Variants in TCN2 observed in about 807,000 individuals in gnomAD.
TCN2 encodes the protein transcobalamin-2.
TCN2 carries 34 observed loss-of-function variants against 48.6 expected under a neutral mutation model. The observed-to-expected ratio is 0.70, with a 90% CI of 0.53 to 0.93. The LOEUF (loss-of-function observed/expected upper bound fraction) is 0.93, where lower values mean the gene tolerates loss of function less well. TCN2 is among the 40% of genes least tolerant of loss of function. The probability of loss-of-function intolerance (pLI) is 0.00; values close to 1 mark genes in which losing one functional copy is unlikely to be tolerated. For missense variants in TCN2, 652 were observed against 526.1 expected (o/e 1.24, Z -2.34); for synonymous variants, 283 against 212.5 (o/e 1.33, Z -2.89).
Position 30,614,482 on chromosome 22 carries a change from C to T in TCN2, c.561C>T (p.His187=). 1 of 1,614,150 alleles carries T rather than the reference C, an allele frequency of 6.2e-7. No individual in the cohort carries two copies. Residue 187 remains histidine (H), a synonymous_variant, in exon 4 of 9, where the codon CAC becomes CAT. Coordinates refer to ENST00000215838, the MANE Select transcript of TCN2 (RefSeq NM_000355.4). The part of the protein sequence containing the change: ...DKLLYAVEPF[H]QGHHSVDTAA... ...TTCTGTATGCTGTGGAACCTTTCCACCAGGGCCACCATTCTGTGGGTGAGT... is the reference window on the plus strand; with the variant it reads ...TTCTGTATGCTGTGGAACCTTTCCATCAGGGCCACCATTCTGTGGGTGAGT...
At position 30,623,811 on chromosome 22, in the gene TCN2, TATAC is replaced by T. The variant is rs1569046500; in HGVS notation, c.1222+730_1222+733del. 1.9e-3 allele frequency among the ~76,000 whole-genome samples: 128 copies of T among 67,998 alleles called. 21 individuals carry two copies. The highest frequency in any genetic ancestry group is 7.7e-3 in the Middle Eastern group (1 of 130). 44.6% of individuals were successfully genotyped at this position (67,998 alleles called of 152,430 possible). The stretch of plus-strand genomic sequence containing the variant: ...ATACATATATACACACATACACATA[TATAC>T]ACACACATACACACACATATACACA... On this transcript the variant is annotated intron_variant, in intron 8 of 8. Transcript: ENST00000215838.
At chr22:30,623,903 C>T (rs1430439902) in intron 8 of TCN2, among the ~76,000 whole-genome samples, 1 of 27,158 alleles carries the variant, frequency 3.7e-5, no homozygotes, top group South Asian at 5.7e-4. Context: ...TATATGTATA[C>T]ATATATATAC....
In TCN2 at chr22:30,626,655, C is replaced by A; in HGVS notation, c.*134C>A. 1.1e-6 allele frequency: 1 copy of A among 950,716 alleles called. No homozygotes were observed. Among genetic ancestry groups the A allele is most frequent in the Non-Finnish European group, 1.7e-6 (1 of 602,568 alleles). The allele number at this position is 950,716 out of a possible 1,614,324, so 58.9% of individuals were successfully genotyped here. ...CACTTTGAGCAATGCCCCCTGGGAT[C>A]ACCCCAGCCACAAGCCCTTCGAGGG... On this transcript the variant is annotated 3_prime_UTR_variant, in exon 9 of 9. Coordinates refer to ENST00000215838, the MANE Select transcript of TCN2 (RefSeq NM_000355.4).
At chr22:30,611,384 T>C (rs76670767) in intron 2 of TCN2, among the ~76,000 whole-genome samples, 1,989 of 152,308 alleles carry the variant, frequency 0.013, 24 homozygotes, top group Non-Finnish European at 0.02. Context: ...GAGGCAGATA[T>C]CACTAATCGA....
chr22:30,626,286 G>A (rs570146651), intron 8 of TCN2, among the ~76,000 whole-genome samples, 174 bp from the exon 9 acceptor site: 43 of 152,222 alleles, frequency 2.8e-4, no homozygotes, highest in African/African-American at 9.9e-4. Flanking sequence ...GAACCCTGTG[G>A]GAAGCTGAGT....
chr22:30,617,326 A>G lies in TCN2; in HGVS notation c.941-4A>G. 1.2e-6 allele frequency: 2 copies of G among 1,614,152 alleles called. No individual in the cohort carries two copies. Among genetic ancestry groups the G allele is most frequent in the Non-Finnish European group, 1.7e-6 (2 of 1,180,030 alleles). The stretch of plus-strand genomic sequence containing the variant: ...AGCTGCCCGCCCCTTTCTTCCTGGC[A>G]CAGTCATGTTGGAACCAGCTGCTGA... On this transcript the variant is annotated splice_region_variant and splice_polypyrimidine_tract_variant and intron_variant, in intron 6 of 8. Coordinates refer to ENST00000215838, the MANE Select transcript of TCN2 (RefSeq NM_000355.4).
chr22:30,611,172 T>C, intron 2 of TCN2, 109 bp downstream of exon 2: 1 of 1,351,394 alleles, frequency 7.4e-7, no homozygotes, highest in South Asian at 1.2e-5. Flanking sequence ...TTAGGCAAAT[T>C]TTCTCCATCT....
chr22:30,621,470 G>A (rs8139921), intron 7 of TCN2, among the ~76,000 whole-genome samples: 17,384 of 151,660 alleles, frequency 0.11, 2,204 homozygotes, highest in African/African-American at 0.3. Context: ...CTCATTTGTT[G>A]TTTTTTGTTT....
intron 1 of TCN2, among the ~76,000 whole-genome samples, chr22:30,608,918 T>C (rs2087493908): frequency 6.6e-6 from 1 of 152,142 alleles, no homozygotes; most frequent in Admixed American, 6.6e-5. Flanking sequence ...AATCTTGAAC[T>C]GGGGTTTGGG....
intron 8 of TCN2, 53 bp downstream of exon 8, chr22:30,623,136 C>T: frequency 6.3e-7 from 1 of 1,588,520 alleles, no homozygotes; most frequent in South Asian, 1.1e-5. Flanking sequence ...GCTTACTCAG[C>T]CAAGAGGCTT....
At position 30,623,945 on chromosome 22, in the gene TCN2, C is replaced by CATATGTAT. The variant is rs1321160056; in HGVS notation, c.1222+863_1222+864insTATGTATA. On this transcript the variant is annotated intron_variant, in intron 8 of 8. Coordinates refer to ENST00000215838, the MANE Select transcript of TCN2 (RefSeq NM_000355.4). The stretch of plus-strand genomic sequence containing the variant: ...ATATATGTATACATATATACACACA[C>CATATGTAT]ACATATGTATACATATATACACACA... Among the ~76,000 whole-genome samples the CATATGTAT allele has an allele frequency of 9.4e-4, 30 of 32,004 alleles. 10 individuals carry two copies. The highest frequency in any genetic ancestry group is 1.2e-3 in the Non-Finnish European group (19 of 15,378). 21.0% of individuals were successfully genotyped at this position (32,004 alleles called of 152,430 possible).
chr22:30,612,753 T>G (rs1006172989), intron 2 of TCN2, 120 bp from the exon 3 acceptor site: 2 of 1,262,176 alleles, frequency 1.6e-6, no homozygotes, highest in African/African-American at 1.5e-5. Flanking sequence ...TTTGGAGCTT[T>G]TATCAAAGTT....
Position 30,607,407 on chromosome 22 carries a change from G to A in TCN2, c.64+12G>A, listed in dbSNP as rs777313334. On this transcript the variant is annotated intron_variant, in intron 1 of 8. Coordinates refer to ENST00000215838, the MANE Select transcript of TCN2 (RefSeq NM_000355.4). The stretch of plus-strand genomic sequence containing the variant: ...CACTGAGATGTGTGGTGAGTAACTC[G>A]CCTCTATCCTGTGCCTCTTTCCTCC... 2.5e-6 allele frequency: 4 copies of A among 1,614,058 alleles called. No homozygotes were observed. Among genetic ancestry groups the A allele is most frequent in the East Asian group, 2.2e-5 (1 of 44,878 alleles).
At chr22:30,613,163 GC>G in intron 3 of TCN2, 121 bp downstream of exon 3, 1 of 1,402,514 alleles carries the variant, frequency 7.1e-7, no homozygotes, top group Non-Finnish European at 9.8e-7. Flanking sequence ...CATCCATTCT[GC>G]CCATCTCACT....
chr22:30,615,674 C>G lies in TCN2; in HGVS notation c.827C>G (p.Ala276Gly). The G allele has an allele frequency of 6.2e-7, 1 of 1,614,200 alleles. No individual in the cohort carries two copies. The highest frequency in any genetic ancestry group is 1.3e-5 in the African/African-American group (1 of 75,046). Reference sequence around the variant, plus strand: ...CTCAAGGCGAGGGTTGCTTTGCTGGCCAGTCTGCAGGATGGAGCCTTCCAG... The same window carrying G: ...CTCAAGGCGAGGGTTGCTTTGCTGGGCAGTCTGCAGGATGGAGCCTTCCAG... ...ACLKARVALL[A>G]SLQDGAFQNA... Residue 276 changes from alanine to glycine, a missense_variant, in exon 6 of 9, where the codon GCC (alanine) becomes GGC (glycine). Coordinates refer to ENST00000215838, the MANE Select transcript of TCN2 (RefSeq NM_000355.4).
intron 3 of TCN2, 114 bp from the exon 4 acceptor site, chr22:30,614,235 A>G (rs2087578886): frequency 7.3e-7 from 1 of 1,377,900 alleles, no homozygotes; most frequent in African/African-American, 1.4e-5. Flanking sequence ...GGAATGAAGG[A>G]TCCCATGACC....
rs563369701 is a variant in TCN2 at position 30,617,632 on chromosome 22, C to T, written c.1106+137C>T. 271 of 1,178,952 alleles carry T rather than the reference C, an allele frequency of 2.3e-4. 1 individual carries two copies. The African/African-American group carries it at 3.7e-3, about 16-fold the overall frequency. 73.0% of individuals were successfully genotyped at this position (1,178,952 alleles called of 1,614,324 possible). ...CCTGCTTCTGCTTCTACCTGCTCAG[C>T]TCCTTTCTTGCCCACGGTGTTATGG... On this transcript the variant is annotated intron_variant, in intron 7 of 8. Coordinates refer to ENST00000215838, the MANE Select transcript of TCN2 (RefSeq NM_000355.4).
At chr22:30,625,264 G>T (rs1439094400) in intron 8 of TCN2, among the ~76,000 whole-genome samples, 1 of 152,122 alleles carries the variant, frequency 6.6e-6, no homozygotes, top group Non-Finnish European at 1.5e-5. Flanking sequence ...CAGTTCTGGA[G>T]GTTGGGTGGG....
At chr22:30,617,934 G>A (rs76348547) in intron 7 of TCN2, among the ~76,000 whole-genome samples, 1 of 151,810 alleles carries the variant, frequency 6.6e-6, no homozygotes, top group African/African-American at 2.4e-5. Flanking sequence ...ACTGTTTTTT[G>A]TTTGTTTGTT....
Sources: gnomAD v4.1 joint callset for allele counts (sites outside exome capture counted in the v4.1 genomes callset) on GRCh38, gnomAD v4.1.1 for gene constraint, MANE v1.5 for transcripts, NCBI Gene and HGNC (gene_info 2026-07-23, HGNC 2026-07-21) for gene names.